CHN1: variants seen among roughly 807,000 people sequenced by gnomAD.
CHN1 encodes the protein N-chimaerin.
Under a neutral mutation model 59.5 loss-of-function variants are expected in CHN1, and 37 were observed. That is an observed-to-expected ratio of 0.62 (90% CI 0.48 to 0.82). The LOEUF is 0.82. CHN1 is among the 40% of genes least tolerant of loss of function. CHN1 has a pLI of 0.00. For synonymous variants in CHN1, 206 were observed against 200.4 expected (o/e 1.03, Z -0.24); for missense variants, 469 against 571.0 (o/e 0.82, Z 1.82).
chr2:174,898,855 T>A (rs944809930), intron 5 of CHN1, among the ~76,000 whole-genome samples: 1 of 152,296 alleles, frequency 6.6e-6, no homozygotes, highest in South Asian at 2.1e-4. Context: ...ACTAAAAAAA[T>A]GTATAAACAG....
intron 7 of CHN1, 50 bp from the exon 8 acceptor site, chr2:174,824,568 G>T: frequency 8.9e-7 from 1 of 1,124,340 alleles, no homozygotes; most frequent in Non-Finnish European, 1.3e-6. Context: ...ACACACGGAT[G>T]AGAAGACTGC....
chr2:174,891,332 G>T (rs959848990), intron 5 of CHN1, among the ~76,000 whole-genome samples: 2 of 151,836 alleles, frequency 1.3e-5, no homozygotes, highest in African/African-American at 4.8e-5. Flanking sequence ...AGCACTTTGG[G>T]AGGCTGAGAT....
chr2:174,812,101 G>A, intron 9 of CHN1: 1 of 407,556 alleles, frequency 2.5e-6, no homozygotes, highest in Middle Eastern at 6.4e-4. Flanking sequence ...CAAGCACATT[G>A]GCTACACTTA....
intron 2 of CHN1, among the ~76,000 whole-genome samples, chr2:174,950,639 T>TA (rs1689996421): frequency 6.6e-6 from 1 of 152,186 alleles, no homozygotes; most frequent in African/African-American, 2.4e-5. Context: ...TACTAATTGA[T>TA]ATTTTTCATG....
intron 1 of CHN1, among the ~76,000 whole-genome samples, chr2:174,975,991 T>C (rs1027539078): frequency 1.3e-5 from 2 of 150,502 alleles, no homozygotes; most frequent in East Asian, 4.0e-4. Flanking sequence ...CCGGGCATGG[T>C]GGCGGGTGTC....
chr2:174,944,928 T>C lies in CHN1; in HGVS notation c.74A>G (p.Gln25Arg). 1.3e-6 allele frequency: 2 copies of C among 1,577,730 alleles called. No individual in the cohort carries two copies. ...AATTCTTCGAGGATGAGGGGCTTCCTGTTGTAGCTGATATACTGTGAGAAG... is the reference window on the plus strand; with the variant it reads ...AATTCTTCGAGGATGAGGGGCTTCCCGTTGTAGCTGATATACTGTGAGAAG... ...VWKSYLYQLQ[Q>R]EAPHPRRITC... The change falls in exon 3 of 13, where the codon CAG (glutamine) becomes CGG (arginine). Residue 25 changes from glutamine to arginine, a missense_variant. By Grantham distance (43) the Gln-to-Arg change is conservative. Coordinates refer to ENST00000409900, the MANE Select transcript of CHN1 (RefSeq NM_001822.7).
Position 174,801,722 on chromosome 2 carries a change from A to G in CHN1, c.1193T>C (p.Met398Thr). The change falls in exon 12 of 13, where the codon ATG becomes ACG. Residue 398 changes from methionine (M) to threonine (T), a missense_variant. Around this residue, in one of 5 missense-constraint regions of CHN1, gnomAD observed 225 missense variants for 289.9 expected, o/e 0.78. Transcript: ENST00000409900. The part of the protein sequence containing the change: ...PAHCETLRYL[M>T]AHLKRVTLHE... ...TATAGCTTGCCTCTTTAGATGTGCC[A>G]TGAGGTACCGGAGGGTTTCGCAGTG... The G allele has an allele frequency of 6.2e-7, 1 of 1,613,192 alleles. No homozygotes were observed. The highest frequency in any genetic ancestry group is 1.1e-5 in the South Asian group (1 of 91,066).
At chr2:174,838,830 C>A (rs996420266) in intron 7 of CHN1, among the ~76,000 whole-genome samples, 2 of 152,114 alleles carry the variant, frequency 1.3e-5, no homozygotes, top group Middle Eastern at 3.4e-3. Context: ...GCCTGACCAA[C>A]ATGGCGAAAC....
intron 3 of CHN1, among the ~76,000 whole-genome samples, chr2:174,937,045 T>C (rs972146784): frequency 6.6e-6 from 1 of 152,228 alleles, no homozygotes; most frequent in Non-Finnish European, 1.5e-5. Context: ...AAAGCATTAG[T>C]TATAATTTGA....
In CHN1 at chr2:174,952,141, C is replaced by T. The variant is rs531243193; in HGVS notation, c.58+23G>A. 46 of 1,375,256 alleles carry T rather than the reference C, an allele frequency of 3.3e-5. No individual in the cohort carries two copies. The East Asian group carries it at 1.1e-3, about 33-fold the overall frequency. The allele number at this position is 1,375,256 out of a possible 1,614,324, so 85.2% of individuals were successfully genotyped here. ...ATATTACTTATAAAGCACTATAACCCACACAATTATTTGTAGACTTACAGT... is the reference window on the plus strand; with the variant it reads ...ATATTACTTATAAAGCACTATAACCTACACAATTATTTGTAGACTTACAGT... On this transcript the variant is annotated intron_variant, in intron 2 of 12. Coordinates refer to ENST00000409900, the MANE Select transcript of CHN1 (RefSeq NM_001822.7).
chr2:174,870,400 A>T (rs1687370875), intron 6 of CHN1, among the ~76,000 whole-genome samples: 3 of 152,246 alleles, frequency 2.0e-5, no homozygotes, highest in Admixed American at 2.0e-4. Flanking sequence ...ATGTGTTTTC[A>T]TAACTTAAGT....
intron 6 of CHN1, chr2:174,847,418 T>A: frequency 6.6e-6 from 8 of 1,213,170 alleles, no homozygotes; most frequent in Non-Finnish European, 8.2e-6. Flanking sequence ...GATGCTAACA[T>A]ACAAAACACT....
intron 7 of CHN1, among the ~76,000 whole-genome samples, chr2:174,841,372 C>T (rs1686295659): frequency 6.6e-6 from 1 of 152,202 alleles, no homozygotes; most frequent in Non-Finnish European, 1.5e-5. Context: ...GAAAGCAGAG[C>T]AGTGGCTGTC....
intron 6 of CHN1, among the ~76,000 whole-genome samples, chr2:174,854,222 A>G (rs1214229669): frequency 1.3e-5 from 2 of 152,028 alleles, no homozygotes; most frequent in African/African-American, 2.4e-5. Context: ...ACTATGATCA[A>G]TTTTACTCAG....
At chr2:174,951,472 C>T (rs1478689260) in intron 2 of CHN1, among the ~76,000 whole-genome samples, 2 of 152,112 alleles carry the variant, frequency 1.3e-5, no homozygotes, top group Non-Finnish European at 2.9e-5. Context: ...ACTACAGAAA[C>T]AACGAACAAG....
intron 6 of CHN1, chr2:174,847,803 CAG>C: frequency 2.5e-6 from 1 of 401,752 alleles, no homozygotes; most frequent in South Asian, 2.0e-5. Flanking sequence ...AAAAAAAAAT[CAG>C]TGGGAAGGTA....
At chr2:174,945,361 A>G (rs1421719148) in intron 2 of CHN1, 2 of 174,124 alleles carry the variant, frequency 1.1e-5, no homozygotes, top group African/African-American at 4.8e-5. Context: ...GCTAAATGTA[A>G]CGAACACACT....
In CHN1 at chr2:174,799,881, T is replaced by C. The variant is rs1223705849; in HGVS notation, c.*235A>G. 7 of 622,130 alleles carry C rather than the reference T, an allele frequency of 1.1e-5. No individual in the cohort carries two copies. The highest frequency in any genetic ancestry group is 6.4e-5 in the East Asian group (2 of 31,156). The allele number at this position is 622,130 out of a possible 1,614,324, so 38.5% of individuals were successfully genotyped here. ...GATAGGGGGCTAATCATGCAATAGCTTGAGTTTCTCTGAACGTGATAAACA... is the reference window on the plus strand; with the variant it reads ...GATAGGGGGCTAATCATGCAATAGCCTGAGTTTCTCTGAACGTGATAAACA... On this transcript the variant is annotated 3_prime_UTR_variant, in exon 13 of 13. Transcript: ENST00000409900.
In CHN1 at chr2:174,848,058, T is replaced by C. The variant is rs1165747387; in HGVS notation, c.550-1101A>G. Among the ~76,000 whole-genome samples the C allele has an allele frequency of 1.1e-4, 17 of 152,170 alleles. No individual in the cohort carries two copies. The East Asian group carries it at 3.3e-3, about 29-fold the overall frequency. On this transcript the variant is annotated intron_variant, in intron 6 of 12. Transcript: ENST00000409900. ...GTATTTTGATGAAAGATAAAAGAAGTTTAACTAGGTATCATACTATTTTCA... is the reference window on the plus strand; with the variant it reads ...GTATTTTGATGAAAGATAAAAGAAGCTTAACTAGGTATCATACTATTTTCA...
Sources: gnomAD v4.1 joint callset for allele counts (sites outside exome capture counted in the v4.1 genomes callset) on GRCh38, gnomAD v4.1.1 for gene constraint, gnomAD v4.1.1 regional missense constraint, MANE v1.5 for transcripts, NCBI Gene and HGNC (gene_info 2026-07-23, HGNC 2026-07-21) for gene names.